Variants in TBC1D5 observed in about 807,000 individuals in gnomAD.
TBC1D5 encodes TBC1 domain family member 5.
A neutral mutation model predicts 100.3 loss-of-function variants in TBC1D5; 75 were observed. The observed-to-expected ratio is 0.75, with a 90% CI of 0.62 to 0.91. The LOEUF is 0.91. Among genes scored for constraint, TBC1D5 ranks in the 40% least tolerant of loss-of-function variants. The pLI is 0.00. For synonymous variants in TBC1D5, 323 were observed against 325.6 expected, an observed-to-expected ratio of 0.99 and a Z score of 0.09; for missense variants, 910 against 942.4, an observed-to-expected ratio of 0.97 and a Z score of 0.45.
chr3:17,448,362 ACCT>A (rs2094846845), intron 3 of TBC1D5, among the ~76,000 whole-genome samples: 1 of 151,862 alleles, frequency 6.6e-6, no homozygotes, highest in Non-Finnish European at 1.5e-5. Context: ...TGATATTTTG[ACCT>A]CCTCCCATGA....
chr3:17,243,549 T>C (rs2076480522), intron 16 of TBC1D5, among the ~76,000 whole-genome samples: 2 of 152,008 alleles, frequency 1.3e-5, no homozygotes, highest in African/African-American at 4.8e-5. Context: ...AAAAAAAGAC[T>C]AAAAAATTTG....
intron 15 of TBC1D5, among the ~76,000 whole-genome samples, chr3:17,283,799 A>G (rs1411097402): frequency 6.6e-6 from 1 of 152,064 alleles, no homozygotes; most frequent in Non-Finnish European, 1.5e-5. Context: ...AGAACAAACT[A>G]ATAGCAAGCC....
chr3:17,205,294 C>T (rs1475586678), intron 18 of TBC1D5, among the ~76,000 whole-genome samples: 2 of 152,134 alleles, frequency 1.3e-5, no homozygotes, highest in Non-Finnish European at 2.9e-5. Context: ...CAATTCCATC[C>T]CTAAGCTCAT....
In TBC1D5 at chr3:17,515,232, G is replaced by A. The variant is rs2095968897; in HGVS notation, c.-35-6627C>T. Among the ~76,000 whole-genome samples the A allele has an allele frequency of 1.3e-5, 2 of 152,058 alleles. 1 individual carries two copies. The highest frequency in any genetic ancestry group is 4.1e-4 in the South Asian group (2 of 4,822). On this transcript the variant is annotated intron_variant, in intron 2 of 21. Coordinates refer to ENST00000253692, the Ensembl canonical transcript of TBC1D5. ...AAATCTCTCCTTGGTGCAAACATGG[G>A]GAGGCCAGGGGTATGTTCAGGAACA...
chr3:17,206,711 G>A (rs1276579797), intron 18 of TBC1D5, among the ~76,000 whole-genome samples: 11 of 152,122 alleles, frequency 7.2e-5, no homozygotes, highest in Non-Finnish European at 1.0e-4. Flanking sequence ...CCTGTTTTAT[G>A]CAGAGACTTT....
At chr3:17,671,689 C>A (rs1030825119) in intron 1 of TBC1D5, among the ~76,000 whole-genome samples, 6 of 152,028 alleles carry the variant, frequency 3.9e-5, no homozygotes, top group African/African-American at 1.4e-4. Context: ...AACATTCTCC[C>A]CCAAATGTGA....
intron 15 of TBC1D5, among the ~76,000 whole-genome samples, chr3:17,277,243 A>T (rs1373173436): frequency 3.3e-5 from 5 of 152,146 alleles, no homozygotes; most frequent in Non-Finnish European, 5.9e-5. Flanking sequence ...AAAATATGAA[A>T]TTCTTCATAT....
At chr3:17,492,732 G>A (rs767762483) in intron 3 of TBC1D5, among the ~76,000 whole-genome samples, 9 of 152,178 alleles carry the variant, frequency 5.9e-5, no homozygotes, top group Non-Finnish European at 1.2e-4. Flanking sequence ...CACCATACTC[G>A]GACATAAATT....
chr3:17,608,484 T>G (rs1290924825), intron 2 of TBC1D5, among the ~76,000 whole-genome samples: 3 of 152,190 alleles, frequency 2.0e-5, no homozygotes, highest in Admixed American at 2.0e-4. Flanking sequence ...TTGGTGAATA[T>G]ATACGTAAAA....
At chr3:17,245,339 G>A (rs2076649847) in intron 16 of TBC1D5, among the ~76,000 whole-genome samples, 1 of 152,120 alleles carries the variant, frequency 6.6e-6, no homozygotes, top group South Asian at 2.1e-4. Flanking sequence ...ATACTGTAAG[G>A]TTTGTTATTT....
At chr3:17,668,333 C>T (rs2067520021) in intron 1 of TBC1D5, among the ~76,000 whole-genome samples, 1 of 151,712 alleles carries the variant, frequency 6.6e-6, no homozygotes, top group Non-Finnish European at 1.5e-5. Context: ...TTAATACCCG[C>T]TTAGATTTTC....
intron 3 of TBC1D5, among the ~76,000 whole-genome samples, chr3:17,471,943 A>G (rs1158522405): frequency 2.0e-5 from 3 of 152,270 alleles, no homozygotes; most frequent in East Asian, 1.9e-4. Flanking sequence ...GAGTTACCAC[A>G]TGACGAAATC....
Position 17,559,313 on chromosome 3 carries a change from G to C in TBC1D5, c.-35-50708C>G, listed in dbSNP as rs569003177. Among the ~76,000 whole-genome samples the C allele has an allele frequency of 3.1e-4, 47 of 151,208 alleles. 1 individual carries two copies. The South Asian group carries it at 9.8e-3, about 32-fold the overall frequency. On this transcript the variant is annotated intron_variant, in intron 2 of 21. Transcript: ENST00000253692. The stretch of plus-strand genomic sequence containing the variant: ...GGCCACCACACCCAGCTAATTTTTT[G>C]CATTTTTGGTAGAGATCGGGTTTCA...
At chr3:17,469,652 C>T (rs1576189576) in intron 3 of TBC1D5, among the ~76,000 whole-genome samples, 1 of 152,220 alleles carries the variant, frequency 6.6e-6, no homozygotes, top group Admixed American at 6.5e-5. Context: ...ATCAATCAAA[C>T]CCATGTTATT....
At chr3:17,730,137 T>C (rs1253115004) in intron 1 of TBC1D5, among the ~76,000 whole-genome samples, 1 of 152,158 alleles carries the variant, frequency 6.6e-6, no homozygotes. Context: ...ATACTTAATG[T>C]TGTACTTTGA....
intron 1 of TBC1D5, among the ~76,000 whole-genome samples, chr3:17,631,791 C>T (rs564342327): frequency 6.6e-6 from 1 of 152,108 alleles, no homozygotes; most frequent in African/African-American, 2.4e-5. Context: ...CATTTTAAGC[C>T]CACTGTGGAC....
intron 16 of TBC1D5, among the ~76,000 whole-genome samples, chr3:17,239,874 T>C (rs763330172): frequency 2.0e-5 from 3 of 152,222 alleles, no homozygotes; most frequent in Non-Finnish European, 4.4e-5. Context: ...TCCAGCTCCA[T>C]GACAATATTG....
chr3:17,263,180 G>A (rs2078493982), intron 15 of TBC1D5, among the ~76,000 whole-genome samples: 2 of 151,806 alleles, frequency 1.3e-5, no homozygotes, highest in Admixed American at 6.6e-5. Context: ...TTCCAATCTC[G>A]GTGACTGCGA....
At chr3:17,688,973 G>C (rs2070714576) in intron 1 of TBC1D5, among the ~76,000 whole-genome samples, 2 of 152,060 alleles carry the variant, frequency 1.3e-5, no homozygotes, top group African/African-American at 4.8e-5. Context: ...AGTTACTACT[G>C]GGTACACAGA....
Sources: allele counts gnomAD v4.1 joint callset (sites outside exome capture counted in the v4.1 genomes callset), GRCh38; gene constraint gnomAD v4.1.1; transcripts MANE v1.5; gene names NCBI Gene and HGNC (gene_info 2026-07-23, HGNC 2026-07-21).